SLC4A10: variants seen among roughly 807,000 people sequenced by gnomAD.
The protein encoded by SLC4A10 is solute carrier family 4 member 10, also known as sodium-driven chloride bicarbonate exchanger.
Under a neutral mutation model 137.7 loss-of-function variants are expected in SLC4A10, and 42 were observed. The observed-to-expected ratio is 0.30, with a 90% confidence interval of 0.24 to 0.39. The LOEUF (loss-of-function observed/expected upper bound fraction) is 0.39. Among genes scored for constraint, SLC4A10 ranks in the 10% least tolerant of loss-of-function variants. The probability of loss-of-function intolerance (pLI) is 1.00; values close to 1 mark genes in which losing one functional copy is unlikely to be tolerated. For synonymous variants in SLC4A10, 474 were observed against 464.1 expected, an observed-to-expected ratio of 1.02 and a Z score of -0.27; for missense variants, 925 against 1,355.0, an observed-to-expected ratio of 0.68 and a Z score of 4.98.
chr2:161,929,679 G>C (rs973012774), intron 15 of SLC4A10, among the ~76,000 whole-genome samples: 3 of 152,124 alleles, frequency 2.0e-5, no homozygotes, highest in Non-Finnish European at 4.4e-5. Flanking sequence ...AAAGCAGGTA[G>C]CATTTGGGCC....
chr2:161,713,835 A>G (rs568794244), intron 1 of SLC4A10, among the ~76,000 whole-genome samples: 3 of 151,968 alleles, frequency 2.0e-5, no homozygotes, highest in Admixed American at 6.6e-5. Flanking sequence ...TCCATACACC[A>G]GAGGCATTTT....
chr2:161,739,562 C>A (rs914165403), intron 1 of SLC4A10, among the ~76,000 whole-genome samples: 5 of 152,208 alleles, frequency 3.3e-5, no homozygotes, highest in Admixed American at 3.3e-4. Context: ...CATCTTCTAC[C>A]AGGTAAGCAA....
At chr2:161,624,961 T>C (rs1369906558) in intron 1 of SLC4A10, among the ~76,000 whole-genome samples, 2 of 151,850 alleles carry the variant, frequency 1.3e-5, no homozygotes, top group Non-Finnish European at 2.9e-5. Flanking sequence ...CCTATCGAAT[T>C]TCCTCCCCCT....
chr2:161,922,098 G>A (rs1157808223), intron 15 of SLC4A10, among the ~76,000 whole-genome samples: 1 of 152,130 alleles, frequency 6.6e-6, no homozygotes, highest in African/African-American at 2.4e-5. Flanking sequence ...AATGACGTAA[G>A]TGCTATCATA....
At chr2:161,963,802 G>T (rs934561314) in intron 21 of SLC4A10, among the ~76,000 whole-genome samples, 2 of 152,148 alleles carry the variant, frequency 1.3e-5, no homozygotes, top group African/African-American at 4.8e-5. Flanking sequence ...AGATTGTGTT[G>T]TGACAATGAA....
At chr2:161,804,142 A>T (rs2055665762) in intron 2 of SLC4A10, among the ~76,000 whole-genome samples, 1 of 151,958 alleles carries the variant, frequency 6.6e-6, no homozygotes, top group South Asian at 2.1e-4. Flanking sequence ...ATAAAAAACA[A>T]TTTTTTTTCT....
intron 16 of SLC4A10, among the ~76,000 whole-genome samples, chr2:161,945,978 C>T (rs535075817): frequency 6.6e-6 from 1 of 152,058 alleles, no homozygotes; most frequent in East Asian, 1.9e-4. Flanking sequence ...AGCAATTTTG[C>T]TACCCATTAT....
chr2:161,852,674 A>G (rs2059896419), intron 4 of SLC4A10, among the ~76,000 whole-genome samples: 1 of 152,248 alleles, frequency 6.6e-6, no homozygotes, highest in African/African-American at 2.4e-5. Context: ...AAGCATTAGC[A>G]TAAGATCTTT....
chr2:161,752,310 G>C (rs1446899583), intron 1 of SLC4A10, among the ~76,000 whole-genome samples: 1 of 151,804 alleles, frequency 6.6e-6, no homozygotes, highest in Admixed American at 6.6e-5. Context: ...TTGAAGAAGA[G>C]GTCAAGAGGA....
intron 15 of SLC4A10, among the ~76,000 whole-genome samples, chr2:161,928,831 A>T (rs1182760647): frequency 6.6e-6 from 1 of 152,082 alleles, no homozygotes; most frequent in Non-Finnish European, 1.5e-5. Context: ...AACTGTATGC[A>T]CGCCATACCT....
At position 161,873,910 on chromosome 2, in the gene SLC4A10, G is replaced by A. The variant is rs1410671372; in HGVS notation, c.859-6G>A. On this transcript the variant is annotated splice_polypyrimidine_tract_variant and splice_region_variant and intron_variant, in intron 7 of 26. Transcript: ENST00000446997. ...ACCAGCTTAAGTCTGTTAATTATGC[G>A]TGCAGGGACTGGGAGGCCAACAAAA... 12 of 1,591,050 alleles carry A rather than the reference G, an allele frequency of 7.5e-6. No individual in the cohort carries two copies. Among genetic ancestry groups the A allele is most frequent in the Middle Eastern group, 1.7e-4 (1 of 6,050 alleles).
intron 19 of SLC4A10, among the ~76,000 whole-genome samples, chr2:161,955,561 A>G (rs923027200): frequency 2.0e-5 from 3 of 152,192 alleles, no homozygotes; most frequent in Admixed American, 6.5e-5. Flanking sequence ...CCTTAGGCAC[A>G]TAACTCTCAT....
At chr2:161,708,134 C>G (rs934546371) in intron 1 of SLC4A10, among the ~76,000 whole-genome samples, 11 of 151,162 alleles carry the variant, frequency 7.3e-5, no homozygotes, top group African/African-American at 2.4e-4. Flanking sequence ...ATGTATTTAC[C>G]TATTTACTAT....
chr2:161,763,365 A>G (rs573983571), intron 1 of SLC4A10, among the ~76,000 whole-genome samples: 20 of 152,144 alleles, frequency 1.3e-4, no homozygotes, highest in Non-Finnish European at 1.9e-4. Flanking sequence ...ACAGCAAGAA[A>G]CACATGGTCA....
chr2:161,876,357 T>C (rs991491316), intron 8 of SLC4A10, among the ~76,000 whole-genome samples: 1 of 152,172 alleles, frequency 6.6e-6, no homozygotes, highest in African/African-American at 2.4e-5. Flanking sequence ...TTCAGGTCTT[T>C]AAACATAATA....
At chr2:161,729,253 A>G (rs1246693783) in intron 1 of SLC4A10, among the ~76,000 whole-genome samples, 1 of 152,162 alleles carries the variant, frequency 6.6e-6, no homozygotes, top group African/African-American at 2.4e-5. Flanking sequence ...AAATAAAACC[A>G]TTTATATCCA....
intron 3 of SLC4A10, among the ~76,000 whole-genome samples, chr2:161,829,895 A>G (rs573856033): frequency 3.5e-4 from 54 of 152,194 alleles, no homozygotes; most frequent in African/African-American, 9.6e-4. Flanking sequence ...GTTTCCCCTT[A>G]TAAAACCATC....
chr2:161,904,612 G>A (rs952113966), intron 13 of SLC4A10, among the ~76,000 whole-genome samples, 164 bp from the exon 14 acceptor site: 8 of 152,178 alleles, frequency 5.3e-5, no homozygotes, highest in Admixed American at 3.3e-4. Context: ...TCTTCTTGCT[G>A]TCAGCCCCTT....
intron 2 of SLC4A10, among the ~76,000 whole-genome samples, chr2:161,800,194 G>A (rs149975621): frequency 1.7e-3 from 252 of 152,114 alleles, no homozygotes; most frequent in African/African-American, 5.8e-3. Flanking sequence ...TAACCATGCA[G>A]AAGCATGAAA....
Sources: allele counts gnomAD v4.1 joint callset (sites outside exome capture counted in the v4.1 genomes callset), GRCh38; gene constraint gnomAD v4.1.1; transcripts MANE v1.5; gene names NCBI Gene and HGNC (gene_info 2026-07-23, HGNC 2026-07-21).